ZNF831: variants seen among roughly 807,000 people sequenced by gnomAD.
The protein encoded by ZNF831 is zinc finger protein 831.
A neutral mutation model predicts 95.8 loss-of-function variants in ZNF831; 59 were observed. That is an observed-to-expected ratio of 0.62 (90% CI 0.50 to 0.77). The LOEUF is 0.77. Among genes scored for constraint, ZNF831 ranks in the 30% least tolerant of loss-of-function variants. The probability of loss-of-function intolerance (pLI) is 0.00; values close to 1 mark genes in which losing one functional copy is unlikely to be tolerated. For synonymous variants in ZNF831, 961 were observed against 925.5 expected, an observed-to-expected ratio of 1.04 and a Z score of -0.70; for missense variants, 2,205 against 2,164.0, an observed-to-expected ratio of 1.02 and a Z score of -0.38.
At chr20:59,154,338 C>T (rs148826341) in intron 2 of ZNF831, among the ~76,000 whole-genome samples, 130 of 152,254 alleles carry the variant, frequency 8.5e-4, no homozygotes, top group African/African-American at 3.0e-3. Context: ...TACACATAAC[C>T]GTGTTGGGAC....
Position 59,254,914 on chromosome 20 carries a change from G to T in ZNF831, c.*171G>T. Reference sequence around the variant, plus strand: ...CAACCAACTTCTGACCCCCAACTCAGCCGCAGCGTTCCCCAGCTCCCCTTG... The same window carrying T: ...CAACCAACTTCTGACCCCCAACTCATCCGCAGCGTTCCCCAGCTCCCCTTG... On this transcript the variant is annotated 3_prime_UTR_variant, in exon 6 of 6. Transcript: ENST00000371030. The surrounding 1 kb of genome is among the most constrained non-coding windows in gnomAD (Gnocchi z 4.5). The T allele has an allele frequency of 1.2e-6, 1 of 844,356 alleles. No individual in the cohort carries two copies. 52.3% of individuals were successfully genotyped at this position (844,356 alleles called of 1,614,324 possible).
intron 3 of ZNF831, among the ~76,000 whole-genome samples, chr20:59,198,256 C>A (rs546310393): frequency 1.3e-5 from 2 of 152,278 alleles, no homozygotes; most frequent in South Asian, 4.1e-4. Flanking sequence ...CTTATTAGGC[C>A]AGTGCTCTAA....
Position 59,254,205 on chromosome 20 carries a change from T to G in ZNF831, c.4496T>G (p.Val1499Gly), listed in dbSNP as rs201154546. 1 of 1,614,038 alleles carries G rather than the reference T, an allele frequency of 6.2e-7. No individual in the cohort carries two copies. Among genetic ancestry groups the G allele is most frequent in the Non-Finnish European group, 8.5e-7 (1 of 1,180,012 alleles). ...GCTGCCGTTTGTATTTCTCTGCCAG[T>G]GAGAACAGATCACATAGCCCAGGAA... ...SVAAVCISLP[V>G]RTDHIAQEIH... is the part of the protein sequence containing the mutation. The change falls in exon 6 of 6, where the codon GTG becomes GGG. Residue 1499 changes from valine to glycine, a missense_variant. By Grantham distance (109) the Val-to-Gly change is moderately radical. Transcript: ENST00000371030. This position sits in a 1 kb window ranked among gnomAD's most constrained non-coding sequence, Gnocchi z 4.5.
At chr20:59,154,558 C>T (rs962575819) in intron 2 of ZNF831, among the ~76,000 whole-genome samples, 2 of 152,202 alleles carry the variant, frequency 1.3e-5, no homozygotes, top group Non-Finnish European at 2.9e-5. Context: ...TTGCATTGCC[C>T]TTGCTGCTTC....
At chr20:59,142,492 C>G (rs914527684) in intron 1 of ZNF831, among the ~76,000 whole-genome samples, 6 of 152,210 alleles carry the variant, frequency 3.9e-5, no homozygotes, top group Non-Finnish European at 8.8e-5. Context: ...GTTTCCAAAG[C>G]TTGGGATTCG....
chr20:59,189,514 T>C (rs145261258), intron 1 of ZNF831, among the ~76,000 whole-genome samples: 1 of 152,302 alleles, frequency 6.6e-6, no homozygotes, highest in African/African-American at 2.4e-5. Flanking sequence ...TTTAAATTTT[T>C]ATTTATATAT....
At chr20:59,215,513 G>A (rs1033685913) in intron 4 of ZNF831, among the ~76,000 whole-genome samples, 5 of 152,228 alleles carry the variant, frequency 3.3e-5, no homozygotes, top group Admixed American at 6.5e-5. Flanking sequence ...AGGCACTTTC[G>A]ATTTAGGAAG....
At chr20:59,215,728 A>G (rs1240196778) in intron 4 of ZNF831, among the ~76,000 whole-genome samples, 1 of 152,204 alleles carries the variant, frequency 6.6e-6, no homozygotes, top group African/African-American at 2.4e-5. Flanking sequence ...CATGTCACCT[A>G]TGTGATTCTT....
chr20:59,253,777 G>A, intron 5 of ZNF831, 121 bp from the exon 6 acceptor site: 1 of 1,160,052 alleles, frequency 8.6e-7, no homozygotes, highest in African/African-American at 1.6e-5. Flanking sequence ...GTTCACCCTT[G>A]GTAAAGAATC....
chr20:59,130,934 G>A (rs949605991), intron 1 of ZNF831, among the ~76,000 whole-genome samples: 4 of 152,172 alleles, frequency 2.6e-5, no homozygotes, highest in African/African-American at 9.7e-5. Context: ...TCTGAAAGGA[G>A]GGCTAGTAAT....
chr20:59,192,160 C>T lies in ZNF831; in HGVS notation c.1141C>T (p.Pro381Ser). ...GTCCGAGGGGGAGGGCGGCCCGGGC[C>T]CGGGGCCAGGGGTCGCAGGGGCCGA... ...AESEGEGGPG[P>S]GPGVAGAEPG... Residue 381 changes from proline to serine, a missense_variant, in exon 2 of 6, where the codon CCG (proline) becomes TCG (serine). By Grantham distance (74) the Pro-to-Ser change is moderately conservative. Coordinates refer to ENST00000371030, the MANE Select transcript of ZNF831 (RefSeq NM_178457.3). This position sits in a 1 kb window ranked among gnomAD's most constrained non-coding sequence, Gnocchi z 5.2. 1 of 1,560,360 alleles carries T rather than the reference C, an allele frequency of 6.4e-7. No individual in the cohort carries two copies. Among genetic ancestry groups the T allele is most frequent in the Non-Finnish European group, 8.6e-7 (1 of 1,159,368 alleles).
Position 59,235,643 on chromosome 20 carries a change from A to G in ZNF831, c.4028-17335A>G, listed in dbSNP as rs559607253. Among the ~76,000 whole-genome samples the G allele has an allele frequency of 4.6e-5, 7 of 152,314 alleles. 1 individual carries two copies. Among genetic ancestry groups the G allele is most frequent in the Admixed American group, 1.3e-4 (2 of 15,302 alleles). Reference sequence around the variant, plus strand: ...ATTAGAATCCTCGCTGAGAAAATATACCCTGGACCTATAATCAGTGGAGAG... The same window carrying G: ...ATTAGAATCCTCGCTGAGAAAATATGCCCTGGACCTATAATCAGTGGAGAG... On this transcript the variant is annotated intron_variant, in intron 4 of 5. Transcript: ENST00000371030.
At chr20:59,158,867 C>G (rs182778292), upstream of ZNF831, among the ~76,000 whole-genome samples, 1 of 152,154 alleles carries the variant, frequency 6.6e-6, no homozygotes, top group East Asian at 1.9e-4. Flanking sequence ...ATCTTACATG[C>G]GCACGGGGCA....
chr20:59,207,175 C>A, intron 4 of ZNF831, 119 bp downstream of exon 4: 1 of 1,236,386 alleles, frequency 8.1e-7, no homozygotes, highest in Non-Finnish European at 1.1e-6. Flanking sequence ...GGGTCAGGCC[C>A]AAAAGGGAGA....
In ZNF831 at chr20:59,192,161, C is replaced by T. The variant is rs759686814; in HGVS notation, c.1142C>T (p.Pro381Leu). The part of the protein sequence containing the change: ...AESEGEGGPG[P>L]GPGVAGAEPG... ...TCCGAGGGGGAGGGCGGCCCGGGCC[C>T]GGGGCCAGGGGTCGCAGGGGCCGAG... The change falls in exon 2 of 6, where the codon CCG becomes CTG. Residue 381 changes from proline to leucine, a missense_variant. Pro to Leu is a moderately conservative substitution (Grantham distance 98, BLOSUM62 -3). Coordinates refer to ENST00000371030, the MANE Select transcript of ZNF831 (RefSeq NM_178457.3). The surrounding 1 kb of genome is among the most constrained non-coding windows in gnomAD (Gnocchi z 5.2). The T allele has an allele frequency of 2.6e-6, 4 of 1,559,232 alleles. No homozygotes were observed. The highest frequency in any genetic ancestry group is 3.9e-5 in the Admixed American group (2 of 51,034).
At chr20:59,219,519 C>G (rs1039230149) in intron 4 of ZNF831, among the ~76,000 whole-genome samples, 4 of 152,160 alleles carry the variant, frequency 2.6e-5, no homozygotes, top group African/African-American at 9.7e-5. Flanking sequence ...CTGACAAGGC[C>G]TGCTGGAGCG....
At position 59,164,145 on chromosome 20, in the gene ZNF831, C is replaced by G. The variant is rs1363508931; in HGVS notation, c.-99C>G. On this transcript the variant is annotated 5_prime_UTR_variant, in exon 1 of 6. Coordinates refer to ENST00000371030, the MANE Select transcript of ZNF831 (RefSeq NM_178457.3). ...TGGACCTGTGGGTGTCTTCTCTGGG[C>G]AACCAGATCATTGTGTTTGAATCAG... Among the ~76,000 whole-genome samples, 3 of 152,064 alleles carry G rather than the reference C, an allele frequency of 2.0e-5. No homozygotes were observed. Among genetic ancestry groups the G allele is most frequent in the African/African-American group, 7.2e-5 (3 of 41,386 alleles).
At chr20:59,156,849 G>T (rs1181680636) in intron 2 of ZNF831, among the ~76,000 whole-genome samples, 1 of 151,968 alleles carries the variant, frequency 6.6e-6, no homozygotes, top group Non-Finnish European at 1.5e-5. Flanking sequence ...ATTCTTAAAA[G>T]GTGGAATAAA....
chr20:59,214,368 T>C (rs1380535444), intron 4 of ZNF831, among the ~76,000 whole-genome samples: 3 of 152,186 alleles, frequency 2.0e-5, no homozygotes, highest in East Asian at 3.9e-4. Context: ...AGTCAGGGTG[T>C]AGGTTAAATG....
Sources: allele counts gnomAD v4.1 joint callset (sites outside exome capture counted in the v4.1 genomes callset), GRCh38; gene constraint gnomAD v4.1.1; non-coding constraint Gnocchi (gnomAD v3.1); transcripts MANE v1.5; gene names NCBI Gene and HGNC (gene_info 2026-07-23, HGNC 2026-07-21).